Variants in MAPK8IP1 observed in about 807,000 individuals in gnomAD.
The protein encoded by MAPK8IP1 is C-Jun-amino-terminal kinase-interacting protein 1.
A neutral mutation model predicts 72.6 loss-of-function variants in MAPK8IP1; 17 were observed. The observed-to-expected ratio is 0.23, with a 90% confidence interval of 0.16 to 0.35. The LOEUF is 0.35. Ranked by LOEUF, MAPK8IP1 falls within the 10% of genes least tolerant of loss-of-function variation. MAPK8IP1 has a pLI of 1.00. For missense variants in MAPK8IP1, 789 were observed against 1,009.7 expected, an observed-to-expected ratio of 0.78 and a Z score of 2.96; for synonymous variants, 401 against 443.4, an observed-to-expected ratio of 0.90 and a Z score of 1.20.
intron 2 of MAPK8IP1, among the ~76,000 whole-genome samples, chr11:45,899,110 G>A (rs2086630045): frequency 6.6e-6 from 1 of 152,172 alleles, no homozygotes; most frequent in South Asian, 2.1e-4. Context: ...GGAAACCAAG[G>A]GGTGAGGATA....
Position 45,900,754 on chromosome 11 carries a change from G to A in MAPK8IP1, c.522+302G>A, listed in dbSNP as rs2086646775. Among the ~76,000 whole-genome samples, 3 of 152,174 alleles carry A rather than the reference G, an allele frequency of 2.0e-5. No homozygotes were observed. The South Asian group carries it at 6.2e-4, about 32-fold the overall frequency. On this transcript the variant is annotated intron_variant, in intron 3 of 11. Coordinates refer to ENST00000241014, the MANE Select transcript of MAPK8IP1 (RefSeq NM_005456.4). This position sits in a 1 kb window ranked among gnomAD's most constrained non-coding sequence, Gnocchi z 6.5. ...AGAATGAGGCTTTGAGGGGTTCGAA[G>A]GGTTTGGAGCCTGGGACCTCAGGCT...
intron 1 of MAPK8IP1, among the ~76,000 whole-genome samples, chr11:45,894,688 C>T (rs372453871): frequency 5.0e-4 from 76 of 152,320 alleles, no homozygotes; most frequent in African/African-American, 1.6e-3. Context: ...AGACATCTAG[C>T]AGGCTCATGC....
At chr11:45,888,048 C>G (rs978254162) in intron 1 of MAPK8IP1, among the ~76,000 whole-genome samples, 1 of 152,226 alleles carries the variant, frequency 6.6e-6, no homozygotes, top group African/African-American at 2.4e-5. Context: ...CCCTCTGAGC[C>G]TCTGAGATGC....
Position 45,896,617 on chromosome 11 carries a change from G to C in MAPK8IP1, c.102-1468G>C, listed in dbSNP as rs529312242. ...CAGCAGCGCAAGGGCCAGGCCAGCCGGGAGGAAGGTGCCTGCAGCTGAGGG... is the reference window on the plus strand; with the variant it reads ...CAGCAGCGCAAGGGCCAGGCCAGCCCGGAGGAAGGTGCCTGCAGCTGAGGG... On this transcript the variant is annotated intron_variant, in intron 1 of 11. Coordinates refer to ENST00000241014, the MANE Select transcript of MAPK8IP1 (RefSeq NM_005456.4). 2.2e-6 allele frequency: 3 copies of C among 1,350,860 alleles called. No homozygotes were observed. In the African/African-American group the frequency reaches 4.4e-5, roughly 20 times the overall value. The allele number at this position is 1,350,860 out of a possible 1,614,324, so 83.7% of individuals were successfully genotyped here. A position where few individuals can be genotyped will look rare whatever the true frequency, so the allele number is the denominator to read the frequency against.
In MAPK8IP1 at chr11:45,902,538, G is replaced by A. The variant is rs1347639868; in HGVS notation, c.771G>A (p.Gly257=). 1.2e-6 allele frequency: 2 copies of A among 1,611,952 alleles called. No individual in the cohort carries two copies. The highest frequency in any genetic ancestry group is 1.7e-5 in the Admixed American group (1 of 59,890). ...PPGGPPAAPP[G]GRGHSHRDRI... is the part of the protein sequence containing the mutation. Reference sequence around the variant, plus strand: ...GTGGTCCCCCTGCTGCCCCGCCTGGGGGTCGGGGCCACTCGCATCGAGACC... The same window carrying A: ...GTGGTCCCCCTGCTGCCCCGCCTGGAGGTCGGGGCCACTCGCATCGAGACC... The change falls in exon 5 of 12, where the codon GGG becomes GGA. Residue 257 remains glycine, a synonymous_variant. Transcript: ENST00000241014. The surrounding 1 kb of genome is among the most constrained non-coding windows in gnomAD (Gnocchi z 9.3).
At chr11:45,895,586 C>T (rs2086597235) in intron 1 of MAPK8IP1, among the ~76,000 whole-genome samples, 1 of 146,740 alleles carries the variant, frequency 6.8e-6, no homozygotes, top group Non-Finnish European at 1.5e-5. Flanking sequence ...TGTCATTGCT[C>T]TCCAGCCTGG....
At chr11:45,889,913 C>T (rs575965283) in intron 1 of MAPK8IP1, among the ~76,000 whole-genome samples, 2 of 152,230 alleles carry the variant, frequency 1.3e-5, no homozygotes, top group African/African-American at 2.4e-5. Flanking sequence ...AAGGCCCAGA[C>T]GTGGGCCTGG....
At chr11:45,899,897 T>C (rs1237393722) in intron 2 of MAPK8IP1, among the ~76,000 whole-genome samples, 1 of 151,568 alleles carries the variant, frequency 6.6e-6, no homozygotes, top group Non-Finnish European at 1.5e-5. Context: ...GCGCAAGGAG[T>C]CCGGGGTGGG....
intron 1 of MAPK8IP1, among the ~76,000 whole-genome samples, chr11:45,889,673 A>T (rs1227615629): frequency 6.6e-6 from 1 of 152,028 alleles, no homozygotes; most frequent in South Asian, 2.1e-4. Flanking sequence ...AGCTCGTCCA[A>T]CCAGCTCCCT....
At position 45,903,502 on chromosome 11, in the gene MAPK8IP1, A is replaced by G. The variant is rs111293171; in HGVS notation, c.1493+62A>G. 32 of 1,403,638 alleles carry G rather than the reference A, an allele frequency of 2.3e-5. No homozygotes were observed. Among genetic ancestry groups the G allele is most frequent in the African/African-American group, 1.7e-4 (12 of 70,744 alleles). The allele number at this position is 1,403,638 out of a possible 1,614,324, so 86.9% of individuals were successfully genotyped here. A position where few individuals can be genotyped will look rare whatever the true frequency, so the allele number is the denominator to read the frequency against. On this transcript the variant is annotated intron_variant, in intron 6 of 11. Coordinates refer to ENST00000241014, the MANE Select transcript of MAPK8IP1 (RefSeq NM_005456.4). The surrounding 1 kb of genome is among the most constrained non-coding windows in gnomAD (Gnocchi z 6.4). The stretch of plus-strand genomic sequence containing the variant: ...CAGTTTGGGCCACACACCACCCTCT[A>G]CTTGTCACCCCTACATGGCCTCAGC...
At chr11:45,901,932 G>A (rs2086656470) in intron 3 of MAPK8IP1, 48 bp from the exon 4 acceptor site, 2 of 1,460,006 alleles carry the variant, frequency 1.4e-6, no homozygotes, top group African/African-American at 2.8e-5. Context: ...CCCTGTGCCG[G>A]GCACTGTTGA....
chr11:45,890,400 C>T (rs1251850010), intron 1 of MAPK8IP1, among the ~76,000 whole-genome samples: 1 of 152,200 alleles, frequency 6.6e-6, no homozygotes, highest in Non-Finnish European at 1.5e-5. Flanking sequence ...AGCTAAAACA[C>T]AAAAACATCT....
Position 45,904,219 on chromosome 11 carries a change from C to G in MAPK8IP1, c.1666+58C>G. On this transcript the variant is annotated intron_variant, in intron 7 of 11. Coordinates refer to ENST00000241014, the MANE Select transcript of MAPK8IP1 (RefSeq NM_005456.4). This position sits in a 1 kb window ranked among gnomAD's most constrained non-coding sequence, Gnocchi z 6.4. Reference sequence around the variant, plus strand: ...CACCACATCTGTCTGCCCCAACTTGCTGCTAGGTGAACGTGTACTCCAGAT... The same window carrying G: ...CACCACATCTGTCTGCCCCAACTTGGTGCTAGGTGAACGTGTACTCCAGAT... 1 of 1,562,730 alleles carries G rather than the reference C, an allele frequency of 6.4e-7. No homozygotes were observed. The highest frequency in any genetic ancestry group is 8.7e-7 in the Non-Finnish European group (1 of 1,143,612).
chr11:45,890,251 G>T (rs1198044889), intron 1 of MAPK8IP1, among the ~76,000 whole-genome samples: 1 of 152,214 alleles, frequency 6.6e-6, no homozygotes, highest in East Asian at 1.9e-4. Flanking sequence ...GGAGCTGGCA[G>T]GGGGTTAGGA....
rs145390017 is a variant in MAPK8IP1 at position 45,902,973 on chromosome 11, C to G, written c.1206C>G (p.Asp402Glu). The stretch of plus-strand genomic sequence containing the variant: ...TGAGCCTGCGGCCGTGCTTCGGAGA[C>G]TACAGTGACGAGAGTGACTCTGCCA... ...ELVSLRPCFGDYSDESDSATV... is the reference protein window; with the variant it reads ...ELVSLRPCFGEYSDESDSATV... Residue 402 changes from aspartate (D) to glutamate (E), a missense_variant, in exon 5 of 12, where the codon GAC becomes GAG. Physicochemically the swap from Asp to Glu is conservative, Grantham distance 45 (BLOSUM62 2). This residue lies in a region of MAPK8IP1 where 377 missense variants were observed against 411.7 expected (regional missense o/e 0.92). Coordinates refer to ENST00000241014, the MANE Select transcript of MAPK8IP1 (RefSeq NM_005456.4). This position sits in a 1 kb window ranked among gnomAD's most constrained non-coding sequence, Gnocchi z 9.3. The G allele has an allele frequency of 1.9e-6, 3 of 1,611,926 alleles. No homozygotes were observed. The African/African-American group carries it at 4.0e-5, about 22-fold the overall frequency.
At chr11:45,886,510 G>A (rs1352789717) in intron 1 of MAPK8IP1, among the ~76,000 whole-genome samples, 1 of 152,202 alleles carries the variant, frequency 6.6e-6, no homozygotes, top group South Asian at 2.1e-4. Context: ...CTCAACCAGG[G>A]GAATCCTAGG....
Position 45,902,581 on chromosome 11 carries a change from G to T in MAPK8IP1, c.814G>T (p.Asp272Tyr). The change falls in exon 5 of 12, where the codon GAT becomes TAT. Residue 272 changes from aspartate (D) to tyrosine (Y), a missense_variant. Asp to Tyr is a radical substitution (Grantham distance 160, BLOSUM62 -3). Transcript: ENST00000241014. This position sits in a 1 kb window ranked among gnomAD's most constrained non-coding sequence, Gnocchi z 9.3. Reference sequence around the variant, plus strand: ...TCGAGACCGAATCCACTACCAGGCCGATGTGCGACTAGAGGCCACTGAGGA... The same window carrying T: ...TCGAGACCGAATCCACTACCAGGCCTATGTGCGACTAGAGGCCACTGAGGA... ...SHRDRIHYQA[D>Y]VRLEATEEIY... 1 of 1,612,794 alleles carries T rather than the reference G, an allele frequency of 6.2e-7. No homozygotes were observed. Among genetic ancestry groups the T allele is most frequent in the Non-Finnish European group, 8.5e-7 (1 of 1,179,888 alleles).
chr11:45,885,962 G>C (rs966174515), intron 1 of MAPK8IP1, 41 bp downstream of exon 1: 6 of 1,338,496 alleles, frequency 4.5e-6, no homozygotes, highest in Non-Finnish European at 5.9e-6. Context: ...CCTTCAGCGG[G>C]GACTGATCCG....
intron 1 of MAPK8IP1, among the ~76,000 whole-genome samples, chr11:45,896,227 G>A (rs1302009570): frequency 1.3e-5 from 2 of 152,246 alleles, no homozygotes; most frequent in Non-Finnish European, 1.5e-5. Context: ...GAAGGCTCAA[G>A]CTCTGGCTGC....
Sources: allele counts gnomAD v4.1 joint callset (sites outside exome capture counted in the v4.1 genomes callset), GRCh38; gene constraint gnomAD v4.1.1; regional missense constraint gnomAD v4.1.1; non-coding constraint Gnocchi (gnomAD v3.1); transcripts MANE v1.5; gene names NCBI Gene and HGNC (gene_info 2026-07-23, HGNC 2026-07-21).